Variants in BBC3 observed in about 807,000 individuals in gnomAD.
The protein encoded by BBC3 is bcl-2-binding component 3.
BBC3 carries 5 observed loss-of-function variants against 18.2 expected under a neutral mutation model. The observed-to-expected ratio is 0.27, with a 90% confidence interval of 0.14 to 0.58. The LOEUF (loss-of-function observed/expected upper bound fraction) is 0.58, where lower values mean the gene tolerates loss of function less well. Ranked by LOEUF, BBC3 falls within the 20% of genes least tolerant of loss-of-function variation. The pLI is 0.91. For missense variants in BBC3, 224 were observed against 268.9 expected (o/e 0.83, Z 1.17); for synonymous variants, 119 against 128.0 (o/e 0.93, Z 0.47).
chr19:47,229,987 A>T (rs1337360434), intron 1 of BBC3, among the ~76,000 whole-genome samples: 1 of 151,946 alleles, frequency 6.6e-6, no homozygotes, highest in Non-Finnish European at 1.5e-5. Flanking sequence ...ACAAGCACAC[A>T]TATCGCACGC....
chr19:47,223,220 G>A (rs940301829), intron 3 of BBC3, among the ~76,000 whole-genome samples: 2 of 151,328 alleles, frequency 1.3e-5, no homozygotes, highest in Non-Finnish European at 2.9e-5. Context: ...GCAGTGAGCC[G>A]AGATGGCGCC....
chr19:47,224,729 C>CTTT (rs920484758), intron 3 of BBC3, among the ~76,000 whole-genome samples: 1 of 135,850 alleles, frequency 7.4e-6, no homozygotes, highest in Non-Finnish European at 1.6e-5. Context: ...GTGAAAATGA[C>CTTT]TTTTTTTTTT....
Position 47,231,040 on chromosome 19 carries a change from G to T in BBC3, c.-127C>A. The T allele has an allele frequency of 1.0e-6, 1 of 979,344 alleles. No individual in the cohort carries two copies. Among genetic ancestry groups the T allele is most frequent in the Non-Finnish European group, 1.2e-6 (1 of 823,624 alleles). 60.7% of individuals were successfully genotyped at this position (979,344 alleles called of 1,614,324 possible). ...CGCGGCGGCTGCTGCTGTGGCTGTCGCTGCTGCTGCCGCTCTAACTGCAGT... is the reference window on the plus strand; with the variant it reads ...CGCGGCGGCTGCTGCTGTGGCTGTCTCTGCTGCTGCCGCTCTAACTGCAGT... On this transcript the variant is annotated 5_prime_UTR_variant, in exon 1 of 4. Transcript: ENST00000439096. The surrounding 1 kb of genome is among the most constrained non-coding windows in gnomAD (Gnocchi z 4.0).
At chr19:47,227,596 C>G (rs1447606892) in intron 2 of BBC3, among the ~76,000 whole-genome samples, 1 of 152,152 alleles carries the variant, frequency 6.6e-6, no homozygotes, top group Non-Finnish European at 1.5e-5. Context: ...TCCACGGGCA[C>G]CACAGGGTTA....
chr19:47,231,945 CAG>C (rs958376643), upstream of BBC3, among the ~76,000 whole-genome samples: 2 of 152,242 alleles, frequency 1.3e-5, no homozygotes, highest in African/African-American at 4.8e-5. This position sits in a 1 kb window ranked among gnomAD's most constrained non-coding sequence, Gnocchi z 4.0. Flanking sequence ...CACATACACA[CAG>C]ACACCTGTTA....
chr19:47,224,915 C>CTTTT (rs539447877), intron 3 of BBC3, among the ~76,000 whole-genome samples: 1 of 131,060 alleles, frequency 7.6e-6, no homozygotes, highest in African/African-American at 2.9e-5. Context: ...CTTTTTGTTT[C>CTTTT]TTTTTTTTTT....
At chr19:47,226,936 G>A in intron 2 of BBC3, 182 bp from the exon 3 acceptor site, 1 of 528,880 alleles carries the variant, frequency 1.9e-6, no homozygotes, top group Non-Finnish European at 3.2e-6. Context: ...ACCTGGGGAC[G>A]CCGCTCTGGG....
chr19:47,231,188 G>A lies in BBC3; in HGVS notation c.-275C>T, dbSNP rs2058910181. On this transcript the variant is annotated 5_prime_UTR_variant, in exon 1 of 4. Coordinates refer to ENST00000439096, the MANE Select transcript of BBC3 (RefSeq NM_014417.5). This position sits in a 1 kb window ranked among gnomAD's most constrained non-coding sequence, Gnocchi z 4.0. ...CCAGGCGCCCGCTCGCATGTGGCTC[G>A]CGCCGCGTCTCAGGCCGCCCGGCGG... The A allele has an allele frequency of 1.0e-6, 1 of 983,400 alleles. No homozygotes were observed. Among genetic ancestry groups the A allele is most frequent in the East Asian group, 1.1e-4 (1 of 8,762 alleles). The allele number at this position is 983,400 out of a possible 1,614,324, so 60.9% of individuals were successfully genotyped here. A position where few individuals can be genotyped will look rare whatever the true frequency, so the allele number is the denominator to read the frequency against.
rs1376185660 is a variant in BBC3 at position 47,221,876 on chromosome 19, C to T, written c.508G>A (p.Val170Ile). 2 of 1,612,056 alleles carry T rather than the reference C, an allele frequency of 1.2e-6. No homozygotes were observed. The highest frequency in any genetic ancestry group is 8.5e-7 in the Non-Finnish European group (1 of 1,179,330). Residue 170 changes from valine to isoleucine, a missense_variant, in exon 4 of 4, where the codon GTC becomes ATC. Val to Ile is a conservative substitution (Grantham distance 29). Coordinates refer to ENST00000439096, the MANE Select transcript of BBC3 (RefSeq NM_014417.5). ...AGTCCCATGATGAGATTGTACAGGA[C>T]CCTCCAGGGTGAGGGGCGGTGCCGC... ...QQRHRPSPWR[V>I]LYNLIMGLLP... is the part of the protein sequence containing the mutation.
chr19:47,231,299 A>G (rs1351591175), upstream of BBC3: 10 of 713,204 alleles, frequency 1.4e-5, no homozygotes, highest in Non-Finnish European at 1.5e-5. The surrounding 1 kb of genome is among the most constrained non-coding windows in gnomAD (Gnocchi z 4.0). Context: ...GCGTGACGCT[A>G]CGGCCCCGCC....
chr19:47,228,941 C>A lies in BBC3; in HGVS notation c.-15-495G>T, dbSNP rs1470322605. On this transcript the variant is annotated intron_variant, in intron 1 of 3. Coordinates refer to ENST00000439096, the MANE Select transcript of BBC3 (RefSeq NM_014417.5). This position sits in a 1 kb window ranked among gnomAD's most constrained non-coding sequence, Gnocchi z 5.5. Reference sequence around the variant, plus strand: ...GACCGCCCACCCCACCTCCCACTTGCACACAAACACTGAGATGGCCCCAGT... The same window carrying A: ...GACCGCCCACCCCACCTCCCACTTGAACACAAACACTGAGATGGCCCCAGT... Among the ~76,000 whole-genome samples the A allele has an allele frequency of 2.6e-5, 4 of 152,016 alleles. No individual in the cohort carries two copies. In the South Asian group the frequency reaches 8.3e-4, roughly 31 times the overall value.
intron 3 of BBC3, among the ~76,000 whole-genome samples, chr19:47,223,710 A>G (rs2058777958): frequency 6.6e-6 from 1 of 152,106 alleles, no homozygotes; most frequent in Admixed American, 6.6e-5. Context: ...ACTTTACAGA[A>G]GGTTAAATGA....
At chr19:47,225,021 C>A (rs777787113) in intron 3 of BBC3, among the ~76,000 whole-genome samples, 49 of 152,222 alleles carry the variant, frequency 3.2e-4, no homozygotes, top group Non-Finnish European at 6.0e-4. Context: ...AAGCAATTAT[C>A]CTGCCTCAGC....
At chr19:47,226,363 G>A (rs2058820843) in intron 3 of BBC3, among the ~76,000 whole-genome samples, 1 of 151,972 alleles carries the variant, frequency 6.6e-6, no homozygotes, top group Non-Finnish European at 1.5e-5. Context: ...TCGGGCTCCG[G>A]CTATGCCAGC....
rs2058908510 is a variant in BBC3 at position 47,231,090 on chromosome 19, T to A, written c.-177A>T. 1 of 970,246 alleles carries A rather than the reference T, an allele frequency of 1.0e-6. No individual in the cohort carries two copies. Among genetic ancestry groups the A allele is most frequent in the Admixed American group, 6.2e-5 (1 of 16,194 alleles). The allele number at this position is 970,246 out of a possible 1,614,324, so 60.1% of individuals were successfully genotyped here. ...TGGCGGCTGCTGTGGCTGTGGCTGC[T>A]GCTGCTCCCCGGGCCGCAGGCGCGT... On this transcript the variant is annotated 5_prime_UTR_variant, in exon 1 of 4. Coordinates refer to ENST00000439096, the MANE Select transcript of BBC3 (RefSeq NM_014417.5). This position sits in a 1 kb window ranked among gnomAD's most constrained non-coding sequence, Gnocchi z 4.0.
Position 47,231,169 on chromosome 19 carries a change from G to T in BBC3, c.-256C>A. The T allele has an allele frequency of 1.0e-6, 1 of 982,882 alleles. No homozygotes were observed. The allele number at this position is 982,882 out of a possible 1,614,324, so 60.9% of individuals were successfully genotyped here. On this transcript the variant is annotated 5_prime_UTR_variant, in exon 1 of 4. Transcript: ENST00000439096. This position sits in a 1 kb window ranked among gnomAD's most constrained non-coding sequence, Gnocchi z 4.0. The stretch of plus-strand genomic sequence containing the variant: ...GGTGCCGCCGCCGCCGCCGCCAGGC[G>T]CCCGCTCGCATGTGGCTCGCGCCGC...
chr19:47,222,398 G>T (rs1555799143), intron 3 of BBC3: 1 of 152,848 alleles, frequency 6.5e-6, no homozygotes, highest in Non-Finnish European at 1.5e-5. Flanking sequence ...AACGCCGAGT[G>T]AAACCCCTGC....
rs897064631 is a variant in BBC3, at chr19:47,221,429, C to G, written c.*373G>C. The G allele has an allele frequency of 3.6e-5, 9 of 247,594 alleles. 1 individual carries two copies. Among genetic ancestry groups the G allele is most frequent in the Middle Eastern group, 2.4e-3 (2 of 830 alleles). The allele number at this position is 247,594 out of a possible 1,614,324, so 15.3% of individuals were successfully genotyped here. A position where few individuals can be genotyped will look rare whatever the true frequency, so the allele number is the denominator to read the frequency against. On this transcript the variant is annotated 3_prime_UTR_variant, in exon 4 of 4. Transcript: ENST00000439096. ...GTGAAGGAGCACCGAGAGGAGAGCCCCCCCCTCCCAGTGTCACCCCTGCAG... is the reference window on the plus strand; with the variant it reads ...GTGAAGGAGCACCGAGAGGAGAGCCGCCCCCTCCCAGTGTCACCCCTGCAG...
Position 47,229,579 on chromosome 19 carries a change from C to T in BBC3, c.-15-1133G>A, listed in dbSNP as rs533028422. Among the ~76,000 whole-genome samples the T allele has an allele frequency of 4.6e-5, 7 of 151,838 alleles. No individual in the cohort carries two copies. The East Asian group carries it at 1.2e-3, about 25-fold the overall frequency. ...ACTGGTCTCACGTGACTGACATAAA[C>T]ACTACACACACGCAGCCCACATGAC... On this transcript the variant is annotated intron_variant, in intron 1 of 3. Coordinates refer to ENST00000439096, the MANE Select transcript of BBC3 (RefSeq NM_014417.5).
Sources: gnomAD v4.1 joint callset for allele counts (sites outside exome capture counted in the v4.1 genomes callset) on GRCh38, gnomAD v4.1.1 for gene constraint, Gnocchi (gnomAD v3.1) non-coding constraint, MANE v1.5 for transcripts, NCBI Gene and HGNC (gene_info 2026-07-23, HGNC 2026-07-21) for gene names.